GPN2: variants seen among roughly 807,000 people sequenced by gnomAD.
GPN2 encodes the protein GPN-loop GTPase 2.
Under a neutral mutation model 30.1 loss-of-function variants are expected in GPN2, and 27 were observed. The ratio of observed to expected loss-of-function variants is 0.90; its 90% CI spans 0.66 to 1.24. The LOEUF (loss-of-function observed/expected upper bound fraction) is 1.24, where lower values mean the gene tolerates loss of function less well. Ranked by LOEUF, GPN2 falls within the 50% of genes most tolerant of loss-of-function variation. GPN2 has a pLI of 0.00. For synonymous variants in GPN2, 212 were observed against 174.4 expected, an observed-to-expected ratio of 1.22 and a Z score of -1.70; for missense variants, 406 against 405.4, an observed-to-expected ratio of 1.00 and a Z score of -0.01.
In GPN2 at chr1:26,884,231, G is replaced by C; in HGVS notation, c.789C>G (p.Phe263Leu). 1 of 1,613,800 alleles carries C rather than the reference G, an allele frequency of 6.2e-7. No homozygotes were observed. ...CCAAGCTTCGCTGCTCTTGGGCTCTGAAACAGTATCCATTGGCTTTATCCA... is the reference window on the plus strand; with the variant it reads ...CCAAGCTTCGCTGCTCTTGGGCTCTCAAACAGTATCCATTGGCTTTATCCA... ...QAVDKANGYC[F>L]RAQEQRSLEA... is the part of the protein sequence containing the mutation. The change falls in exon 4 of 5, where the codon TTC becomes TTG. Residue 263 changes from phenylalanine (F) to leucine (L), a missense_variant. By Grantham distance (22) the Phe-to-Leu change is conservative. Transcript: ENST00000374135.
chr1:26,879,618 A>T lies in GPN2; in HGVS notation c.*59T>A, dbSNP rs1394933940. 7.8e-7 allele frequency: 1 copy of T among 1,280,620 alleles called. No individual in the cohort carries two copies. Among genetic ancestry groups the T allele is most frequent in the African/African-American group, 1.5e-5 (1 of 68,102 alleles). The allele number at this position is 1,280,620 out of a possible 1,614,324, so 79.3% of individuals were successfully genotyped here. A position where few individuals can be genotyped will look rare whatever the true frequency, so the allele number is the denominator to read the frequency against. On this transcript the variant is annotated 3_prime_UTR_variant, in exon 5 of 5. Coordinates refer to ENST00000374135, the MANE Select transcript of GPN2 (RefSeq NM_018066.4). ...TCTTGGGTCTGCAGCCTGCATCAGG[A>T]GCCTCCACTTTCCCCAGTGCTGGAT...
Position 26,877,600 on chromosome 1 carries a change from C to A in GPN2, c.*2077G>T, listed in dbSNP as rs2081843367. The A allele has an allele frequency of 6.6e-6, 1 of 152,200 alleles. No homozygotes were observed. Among genetic ancestry groups the A allele is most frequent in the Admixed American group, 6.5e-5 (1 of 15,276 alleles). The allele number at this position is 152,200 out of a possible 1,614,324, so 9.4% of individuals were successfully genotyped here. A position where few individuals can be genotyped will look rare whatever the true frequency, so the allele number is the denominator to read the frequency against. On this transcript the variant is annotated 3_prime_UTR_variant, in exon 5 of 5. Transcript: ENST00000374135. ...ATGGGTTATGAGAAAGCCAGGCTGA[C>A]CAAAGTTCAAACTTCTCATCTTTCT...
In GPN2 at chr1:26,889,087, T is replaced by C. The variant is rs767953675; in HGVS notation, c.450A>G (p.Thr150=). 6.2e-7 allele frequency: 1 copy of C among 1,613,982 alleles called. No homozygotes were observed. Among genetic ancestry groups the C allele is most frequent in the Non-Finnish European group, 8.5e-7 (1 of 1,179,846 alleles). ...GTACTGAAATGAACTTGGCAGGGTC[T>C]GTGCAGTAGTGAGAATCCACGAGGT... ...AVHLVDSHYC[T]DPAKFISVLC... The change falls in exon 2 of 5, where the codon ACA becomes ACG. Residue 150 remains threonine, a synonymous_variant. Coordinates refer to ENST00000374135, the MANE Select transcript of GPN2 (RefSeq NM_018066.4).
intron 2 of GPN2, 49 bp from the exon 3 acceptor site, chr1:26,886,182 C>A (rs749186204): frequency 7.2e-7 from 1 of 1,398,464 alleles, no homozygotes. Context: ...AGGCTAAAGA[C>A]CTGAGGACGA....
Position 26,888,949 on chromosome 1 carries a change from C to T in GPN2, c.568+20G>A. The T allele has an allele frequency of 1.2e-6, 2 of 1,613,620 alleles. No individual in the cohort carries two copies. The highest frequency in any genetic ancestry group is 4.5e-5 in the East Asian group (2 of 44,878). On this transcript the variant is annotated intron_variant, in intron 2 of 4. Coordinates refer to ENST00000374135, the MANE Select transcript of GPN2 (RefSeq NM_018066.4). ...AGCCCAGCTGCTGCCCTGCTCTTCG[C>T]CTGGAACAGAAGCTCTTACCCAGCT...
chr1:26,889,047 C>A lies in GPN2; in HGVS notation c.490G>T (p.Ala164Ser). The change falls in exon 2 of 5, where the codon GCC becomes TCC. Residue 164 changes from alanine (A) to serine (S), a missense_variant. By Grantham distance (99) the Ala-to-Ser change is moderately conservative (BLOSUM62 1). Coordinates refer to ENST00000374135, the MANE Select transcript of GPN2 (RefSeq NM_018066.4). ...KFISVLCTSL[A>S]TMLHVELPHI... ...GGCAGTTCCACGTGCAGCATGGTGG[C>A]CAGGGAGGTACACAGTACTGAAATG... 6.2e-7 allele frequency: 1 copy of A among 1,613,874 alleles called. No homozygotes were observed. Among genetic ancestry groups the A allele is most frequent in the African/African-American group, 1.3e-5 (1 of 75,026 alleles).
Position 26,879,450 on chromosome 1 carries a change from G to T in GPN2, c.*227C>A. The T allele has an allele frequency of 1.8e-6, 1 of 543,888 alleles. No homozygotes were observed. Among genetic ancestry groups the T allele is most frequent in the East Asian group, 2.9e-5 (1 of 34,044 alleles). 33.7% of individuals were successfully genotyped at this position (543,888 alleles called of 1,614,324 possible). On this transcript the variant is annotated 3_prime_UTR_variant, in exon 5 of 5. Transcript: ENST00000374135. The stretch of plus-strand genomic sequence containing the variant: ...ACTAGGACCAGTGCTCGACTTTCTG[G>T]TGGCAGGGCCCAGAGCTCACGGACA...
intron 1 of GPN2, 94 bp downstream of exon 1, chr1:26,889,592 C>T: frequency 8.0e-7 from 1 of 1,257,696 alleles, no homozygotes; most frequent in South Asian, 1.4e-5. Flanking sequence ...GCGACCCAGC[C>T]CCTACCTCCC....
intron 4 of GPN2, among the ~76,000 whole-genome samples, chr1:26,880,472 C>A (rs2081858779): frequency 6.6e-6 from 1 of 152,106 alleles, no homozygotes; most frequent in African/African-American, 2.4e-5. Context: ...GCCAGCACAC[C>A]CAGCTAATTT....
At position 26,889,822 on chromosome 1, in the gene GPN2, A is replaced by T. The variant is rs763053813; in HGVS notation, c.275T>A (p.Leu92Gln). 2 of 1,613,694 alleles carry T rather than the reference A, an allele frequency of 1.2e-6. No homozygotes were observed. The highest frequency in any genetic ancestry group is 1.7e-6 in the Non-Finnish European group (2 of 1,180,026). ...GTCGAGCTTGGCACGCAGCCAGTCC[A>T]GGTTGGCTTCCAGGTACTCCATGCA... ...LYCMEYLEAN[L>Q]DWLRAKLDPL... is the part of the protein sequence containing the mutation. The change falls in exon 1 of 5, where the codon CTG (leucine) becomes CAG (glutamine). Residue 92 changes from leucine (L) to glutamine (Q), a missense_variant. Coordinates refer to ENST00000374135, the MANE Select transcript of GPN2 (RefSeq NM_018066.4).
At chr1:26,886,993 C>CAAAAA (rs11309173) in intron 2 of GPN2, among the ~76,000 whole-genome samples, 1 of 78,820 alleles carries the variant, frequency 1.3e-5, no homozygotes, top group Non-Finnish European at 2.4e-5. Flanking sequence ...AACTCTGTCT[C>CAAAAA]AAAAAAAAAA....
At chr1:26,883,653 G>A (rs144670094) in intron 4 of GPN2, among the ~76,000 whole-genome samples, 67 of 151,762 alleles carry the variant, frequency 4.4e-4, no homozygotes, top group African/African-American at 1.5e-3. Context: ...TGGGCACAGT[G>A]GCGCACACTA....
At chr1:26,886,227 G>A in intron 2 of GPN2, 94 bp from the exon 3 acceptor site, 1 of 766,468 alleles carries the variant, frequency 1.3e-6, no homozygotes, top group South Asian at 1.7e-5. Flanking sequence ...GTGCACTCAT[G>A]CACTCAAATA....
In GPN2 at chr1:26,885,989, A is replaced by G; in HGVS notation, c.713T>C (p.Ile238Thr). ...LIEDYSLVSF[I>T]PLNIQDKESI... ...CCCTAGTACCTGGATGTTGAGAGGGATAAAGGAGACAAGGCTATAGTCTTC... is the reference window on the plus strand; with the variant it reads ...CCCTAGTACCTGGATGTTGAGAGGGGTAAAGGAGACAAGGCTATAGTCTTC... The change falls in exon 3 of 5, where the codon ATC (isoleucine) becomes ACC (threonine). Residue 238 changes from isoleucine to threonine, a missense_variant. By Grantham distance (89) the Ile-to-Thr change is moderately conservative (BLOSUM62 -1). Transcript: ENST00000374135. The G allele has an allele frequency of 6.2e-7, 1 of 1,612,934 alleles. No homozygotes were observed.
Position 26,889,799 on chromosome 1 carries a change from C to G in GPN2, c.298G>C (p.Asp100His). 1 of 1,613,850 alleles carries G rather than the reference C, an allele frequency of 6.2e-7. No individual in the cohort carries two copies. The highest frequency in any genetic ancestry group is 8.5e-7 in the Non-Finnish European group (1 of 1,180,022). ...AGGAAGTAGTGGCCGCGGAGGGGGT[C>G]GAGCTTGGCACGCAGCCAGTCCAGG... is the stretch of plus-strand genomic sequence containing the variant. ...ANLDWLRAKLDPLRGHYFLFD... is the reference protein window; with the variant it reads ...ANLDWLRAKLHPLRGHYFLFD... Residue 100 changes from aspartate (D) to histidine (H), a missense_variant, in exon 1 of 5, where the codon GAC becomes CAC. Physicochemically the swap from Asp to His is moderately conservative, Grantham distance 81. Coordinates refer to ENST00000374135, the MANE Select transcript of GPN2 (RefSeq NM_018066.4).
rs1208759326 is a variant in GPN2, at chr1:26,878,532, C to A, written c.*1145G>T. On this transcript the variant is annotated 3_prime_UTR_variant, in exon 5 of 5. Coordinates refer to ENST00000374135, the MANE Select transcript of GPN2 (RefSeq NM_018066.4). ...CTGACCTCAGGTGATCCGCCCGCCT[C>A]AGCCTCCCAAAGTGCTGGGCTTACA... 6.6e-6 allele frequency: 1 copy of A among 151,954 alleles called. No individual in the cohort carries two copies. The highest frequency in any genetic ancestry group is 1.9e-4 in the East Asian group (1 of 5,164). 9.4% of individuals were successfully genotyped at this position (151,954 alleles called of 1,614,324 possible).
Position 26,890,038 on chromosome 1 carries a change from G to A in GPN2, c.59C>T (p.Ser20Leu). ...GCCCAGGCAGTACGTGGTCTTCCCTGAGCCCGGCGGGCCGATCACCGCCTG... is the reference window on the plus strand; with the variant it reads ...GCCCAGGCAGTACGTGGTCTTCCCTAAGCCCGGCGGGCCGATCACCGCCTG... ...FGQAVIGPPG[S>L]GKTTYCLGMS... is the part of the protein sequence containing the mutation. The change falls in exon 1 of 5, where the codon TCA (serine) becomes TTA (leucine). Residue 20 changes from serine to leucine, a missense_variant. Ser to Leu is a moderately radical substitution (Grantham distance 145). Transcript: ENST00000374135. The A allele has an allele frequency of 6.3e-7, 1 of 1,589,898 alleles. No homozygotes were observed. Among genetic ancestry groups the A allele is most frequent in the Non-Finnish European group, 8.5e-7 (1 of 1,174,308 alleles).
intron 2 of GPN2, among the ~76,000 whole-genome samples, chr1:26,888,129 G>A (rs976778340): frequency 3.3e-5 from 5 of 152,036 alleles, no homozygotes; most frequent in African/African-American, 9.7e-5. Context: ...CAAAGTGCTG[G>A]GATTACAGGC....
At chr1:26,883,519 G>T (rs2124294567) in intron 4 of GPN2, among the ~76,000 whole-genome samples, 1 of 152,334 alleles carries the variant, frequency 6.6e-6, no homozygotes, top group East Asian at 1.9e-4. Flanking sequence ...GGGCGCAGTG[G>T]CTCATGCCTG....
Sources: allele counts gnomAD v4.1 joint callset (sites outside exome capture counted in the v4.1 genomes callset), GRCh38; gene constraint gnomAD v4.1.1; transcripts MANE v1.5; gene names NCBI Gene and HGNC (gene_info 2026-07-23, HGNC 2026-07-21).